The following LRRFIP1 variants were observed in gnomAD, a reference collection of about 807,000 sequenced individuals.
The protein encoded by LRRFIP1 is leucine-rich repeat flightless-interacting protein 1.
A neutral mutation model predicts 104.4 loss-of-function variants in LRRFIP1; 62 were observed. The observed-to-expected ratio is 0.59, with a 90% confidence interval of 0.48 to 0.73. The LOEUF (loss-of-function observed/expected upper bound fraction) is 0.73. LRRFIP1 is among the 30% of genes least tolerant of loss of function. The probability of loss-of-function intolerance (pLI) is 0.00; values close to 1 mark genes in which losing one functional copy is unlikely to be tolerated. For synonymous variants in LRRFIP1, 300 were observed against 299.0 expected (o/e 1.00, Z -0.03); for missense variants, 796 against 824.5 (o/e 0.97, Z 0.42).
At chr2:237,629,560 C>A (rs111549905) in intron 1 of LRRFIP1, among the ~76,000 whole-genome samples, 3 of 150,658 alleles carry the variant, frequency 2.0e-5, no homozygotes, top group Non-Finnish European at 4.4e-5. Context: ...CAACCTCCAC[C>A]TCCCAGGCTC....
chr2:237,714,443 C>T (rs2150098550), intron 3 of LRRFIP1, among the ~76,000 whole-genome samples, 167 bp downstream of exon 3: 1 of 152,294 alleles, frequency 6.6e-6, no homozygotes, highest in East Asian at 1.9e-4. Context: ...TGCCTAGATC[C>T]TCATCTTGCC....
intron 19 of LRRFIP1, 73 bp downstream of exon 19, chr2:237,760,278 G>T (rs923015174): frequency 6.5e-7 from 1 of 1,529,644 alleles, no homozygotes; most frequent in East Asian, 2.3e-5. Flanking sequence ...GCACTGCTGG[G>T]GTTGGAGCCA....
At chr2:237,662,694 ACT>A (rs1188271226) in intron 1 of LRRFIP1, among the ~76,000 whole-genome samples, 1 of 151,436 alleles carries the variant, frequency 6.6e-6, no homozygotes, top group African/African-American at 2.4e-5. Flanking sequence ...GTGAAACCTC[ACT>A]TTCCCTGTGT....
chr2:237,653,137 T>C (rs970796651), intron 1 of LRRFIP1, among the ~76,000 whole-genome samples: 2 of 152,328 alleles, frequency 1.3e-5, no homozygotes, highest in African/African-American at 4.8e-5. Flanking sequence ...CCTGTGGAAC[T>C]GTGAATCAAT....
At chr2:237,775,382 AG>A (rs1240012581) in intron 23 of LRRFIP1, among the ~76,000 whole-genome samples, 2 of 152,038 alleles carry the variant, frequency 1.3e-5, no homozygotes, top group Non-Finnish European at 2.9e-5. Flanking sequence ...CCAAGTGAGC[AG>A]GGGGTGAGGG....
rs191350416 is a variant in LRRFIP1, at chr2:237,717,481, G to A, written c.202-281G>A. On this transcript the variant is annotated intron_variant, in intron 3 of 23. Coordinates refer to ENST00000308482, the MANE Select transcript of LRRFIP1 (RefSeq NM_001137550.2). This position sits in a 1 kb window ranked among gnomAD's most constrained non-coding sequence, Gnocchi z 4.2. Reference sequence around the variant, plus strand: ...CGGCTTTACTGTCCTGCTCTCCCCCGAGGCCCTTCACCTGGGGAAGCTTCG... The same window carrying A: ...CGGCTTTACTGTCCTGCTCTCCCCCAAGGCCCTTCACCTGGGGAAGCTTCG... Among the ~76,000 whole-genome samples, 82 of 152,290 alleles carry A rather than the reference G, an allele frequency of 5.4e-4. No homozygotes were observed. The highest frequency in any genetic ancestry group is 1.2e-3 in the South Asian group (6 of 4,822).
At chr2:237,667,093 G>A (rs1355965281) in intron 1 of LRRFIP1, among the ~76,000 whole-genome samples, 1 of 151,660 alleles carries the variant, frequency 6.6e-6, no homozygotes, top group Non-Finnish European at 1.5e-5. Context: ...CACGTGCCAC[G>A]GTGGTTTGCT....
At position 237,770,213 on chromosome 2, in the gene LRRFIP1, G is replaced by A. The variant is rs931790292; in HGVS notation, c.1509+221G>A. The A allele has an allele frequency of 7.2e-5, 37 of 514,516 alleles. 1 individual carries two copies. Among genetic ancestry groups the A allele is most frequent in the Middle Eastern group, 5.7e-4 (2 of 3,500 alleles). 31.9% of individuals were successfully genotyped at this position (514,516 alleles called of 1,614,324 possible). A position where few individuals can be genotyped will look rare whatever the true frequency, so the allele number is the denominator to read the frequency against. On this transcript the variant is annotated intron_variant, in intron 20 of 23. Coordinates refer to ENST00000308482, the MANE Select transcript of LRRFIP1 (RefSeq NM_001137550.2). ...GAGTCATATGAGGTTTAATAAGGAT[G>A]TCTCAAAGACCCAAAGCCATGGAAT...
intron 8 of LRRFIP1, among the ~76,000 whole-genome samples, chr2:237,728,723 A>G (rs2150295238): frequency 6.6e-6 from 1 of 151,894 alleles, no homozygotes; most frequent in Non-Finnish European, 1.5e-5. Flanking sequence ...GTAAAATAGT[A>G]TTTCTTTTCA....
rs906715461 is a variant in LRRFIP1, at chr2:237,735,586, C to T, written c.555+253C>T. ...CACTGAGTTTCATCTGCTCTCTCTG[C>T]AGCACGCCAACCATACTAACAGGTG... On this transcript the variant is annotated intron_variant, in intron 10 of 23. Coordinates refer to ENST00000308482, the MANE Select transcript of LRRFIP1 (RefSeq NM_001137550.2). This position sits in a 1 kb window ranked among gnomAD's most constrained non-coding sequence, Gnocchi z 4.6. 2.0e-5 allele frequency: 9 copies of T among 451,948 alleles called. No homozygotes were observed. The highest frequency in any genetic ancestry group is 3.5e-5 in the Non-Finnish European group (9 of 253,900). 28.0% of individuals were successfully genotyped at this position (451,948 alleles called of 1,614,324 possible).
At chr2:237,636,174 T>C (rs937165427) in intron 1 of LRRFIP1, among the ~76,000 whole-genome samples, 79 of 151,916 alleles carry the variant, frequency 5.2e-4, no homozygotes, top group African/African-American at 1.8e-3. Flanking sequence ...GAATTCTGGA[T>C]TTTTCCCCCA....
Position 237,735,147 on chromosome 2 carries a change from A to ATGC in LRRFIP1, c.490-119_490-117dup. The stretch of plus-strand genomic sequence containing the variant: ...AAAGGTGGTTCTCAGCCTCCCCTGC[A>ATGC]TGCTTTTTCAGGTCATGCTCCTGGC... On this transcript the variant is annotated intron_variant, in intron 9 of 23. Transcript: ENST00000308482. The surrounding 1 kb of genome is among the most constrained non-coding windows in gnomAD (Gnocchi z 4.6). The ATGC allele has an allele frequency of 1.4e-6, 1 of 724,054 alleles. No homozygotes were observed. Among genetic ancestry groups the ATGC allele is most frequent in the East Asian group, 2.7e-5 (1 of 36,828 alleles). 44.9% of individuals were successfully genotyped at this position (724,054 alleles called of 1,614,324 possible).
intron 6 of LRRFIP1, among the ~76,000 whole-genome samples, chr2:237,722,432 C>T (rs1037082728): frequency 2.6e-5 from 4 of 152,090 alleles, no homozygotes; most frequent in Non-Finnish European, 5.9e-5. Context: ...GCAATATGAA[C>T]GAGTATTACG....
At chr2:237,763,116 C>A in intron 19 of LRRFIP1, 1 of 1,614,170 alleles carries the variant, frequency 6.2e-7, no homozygotes. Flanking sequence ...GAGACAAGCA[C>A]AGGGCATAGT....
intron 1 of LRRFIP1, among the ~76,000 whole-genome samples, chr2:237,689,311 G>T (rs190601680): frequency 6.6e-6 from 1 of 152,268 alleles, no homozygotes; most frequent in Admixed American, 6.5e-5. Context: ...TCAACTTACA[G>T]TATAGACTTT....
intron 1 of LRRFIP1, among the ~76,000 whole-genome samples, chr2:237,646,014 T>C (rs7595246): frequency 0.33 from 50,719 of 151,728 alleles, 9,794 homozygotes; most frequent in East Asian, 0.6. Context: ...GGACTCTGGA[T>C]AACAACAGAC....
At chr2:237,686,568 G>A (rs967463990) in intron 1 of LRRFIP1, among the ~76,000 whole-genome samples, 10 of 152,224 alleles carry the variant, frequency 6.6e-5, no homozygotes, top group Non-Finnish European at 1.5e-4. Flanking sequence ...TTAATCGGGA[G>A]AGCCCATTCA....
chr2:237,650,537 G>A (rs2085761067), intron 1 of LRRFIP1, among the ~76,000 whole-genome samples: 2 of 150,598 alleles, frequency 1.3e-5, no homozygotes, highest in Admixed American at 1.3e-4. Context: ...CAGAAGCCCT[G>A]GGAGCACCCT....
chr2:237,710,581 C>G (rs1056598477), intron 2 of LRRFIP1, among the ~76,000 whole-genome samples: 13 of 152,128 alleles, frequency 8.5e-5, no homozygotes, highest in African/African-American at 2.7e-4. Flanking sequence ...GCCATCACAC[C>G]GGCCCCATAT....
Sources: gnomAD v4.1 joint callset for allele counts (sites outside exome capture counted in the v4.1 genomes callset) on GRCh38, gnomAD v4.1.1 for gene constraint, Gnocchi (gnomAD v3.1) non-coding constraint, MANE v1.5 for transcripts, NCBI Gene and HGNC (gene_info 2026-07-23, HGNC 2026-07-21) for gene names.